The following ST18 variants were observed in gnomAD, a reference collection of about 807,000 sequenced individuals.
ST18 encodes the protein ST18 C2H2C-type zinc finger transcription factor.
Under a neutral mutation model 110.0 loss-of-function variants are expected in ST18, and 50 were observed. The ratio of observed to expected loss-of-function variants is 0.45; its 90% CI spans 0.36 to 0.58. The LOEUF (loss-of-function observed/expected upper bound fraction) is 0.58. Among genes scored for constraint, ST18 ranks in the 20% least tolerant of loss-of-function variants. The probability of loss-of-function intolerance (pLI) is 0.00; values close to 1 mark genes in which losing one functional copy is unlikely to be tolerated. For synonymous variants in ST18, 461 were observed against 452.4 expected (o/e 1.02, Z -0.24); for missense variants, 1,306 against 1,280.1 (o/e 1.02, Z -0.31).
chr8:52,122,870 G>T (rs1219251895), intron 23 of ST18, among the ~76,000 whole-genome samples: 1 of 151,826 alleles, frequency 6.6e-6, no homozygotes, highest in Non-Finnish European at 1.5e-5. Context: ...TGTAAATTTG[G>T]CTATTTAGTT....
At chr8:52,122,000 C>G (rs1410618198) in intron 23 of ST18, among the ~76,000 whole-genome samples, 1 of 152,176 alleles carries the variant, frequency 6.6e-6, no homozygotes, top group Non-Finnish European at 1.5e-5. Context: ...CGTACGCCAC[C>G]ATGCCCAGCT....
intron 2 of ST18, among the ~76,000 whole-genome samples, chr8:52,333,573 A>C (rs1287848933): frequency 6.6e-6 from 1 of 152,258 alleles, no homozygotes; most frequent in Admixed American, 6.5e-5. Context: ...ATGCCAAAGT[A>C]AAGTCAGGGA....
At chr8:52,186,477 C>T (rs1036535188) in intron 8 of ST18, among the ~76,000 whole-genome samples, 2 of 152,162 alleles carry the variant, frequency 1.3e-5, no homozygotes, top group African/African-American at 2.4e-5. Context: ...ACAGGTAAAT[C>T]GGTATGGCTG....
At chr8:52,407,251 T>C (rs1844845768) in intron 2 of ST18, 1 of 152,182 alleles carries the variant, frequency 6.6e-6, no homozygotes, top group African/African-American at 2.4e-5. Flanking sequence ...CAATGTAGAG[T>C]ATCACGTGTT....
intron 11 of ST18, among the ~76,000 whole-genome samples, 155 bp from the exon 12 acceptor site, chr8:52,165,380 A>T (rs2062631688): frequency 7.1e-6 from 1 of 140,892 alleles, no homozygotes; most frequent in Non-Finnish European, 1.5e-5. Flanking sequence ...TGAGCATGGA[A>T]GAACTTCAGA....
chr8:52,327,130 C>T (rs1200203629), intron 2 of ST18, among the ~76,000 whole-genome samples: 1 of 152,226 alleles, frequency 6.6e-6, no homozygotes, highest in Non-Finnish European at 1.5e-5. Flanking sequence ...AGTGATAATT[C>T]TTCTATGCTG....
chr8:52,167,567 G>T (rs1409944776), intron 10 of ST18, among the ~76,000 whole-genome samples: 1 of 152,360 alleles, frequency 6.6e-6, no homozygotes, highest in Admixed American at 6.5e-5. Context: ...GTGATTCACG[G>T]TCTCGAGATT....
At chr8:52,273,246 G>T (rs1003911618) in intron 2 of ST18, among the ~76,000 whole-genome samples, 3 of 152,160 alleles carry the variant, frequency 2.0e-5, no homozygotes, top group Non-Finnish European at 4.4e-5. Flanking sequence ...GCTGGGAATC[G>T]TGGAGAGGGG....
chr8:52,118,504 T>C, intron 23 of ST18, 63 bp from the exon 24 acceptor site: 1 of 942,138 alleles, frequency 1.1e-6, no homozygotes, highest in Non-Finnish European at 1.6e-6. Context: ...TCATTATATG[T>C]TTAATTTGTG....
intron 8 of ST18, among the ~76,000 whole-genome samples, chr8:52,191,100 G>T (rs755895535): frequency 6.6e-6 from 1 of 152,184 alleles, no homozygotes; most frequent in South Asian, 2.1e-4. Context: ...AGTTTTGGCT[G>T]CATAGCAAGT....
chr8:52,317,782 A>C (rs578077982), intron 2 of ST18, among the ~76,000 whole-genome samples: 2 of 152,346 alleles, frequency 1.3e-5, no homozygotes, highest in East Asian at 3.9e-4. Context: ...AAAGCTGAAC[A>C]CAGGGATTAT....
chr8:52,300,742 C>T (rs1406775339), intron 2 of ST18, among the ~76,000 whole-genome samples: 1 of 152,170 alleles, frequency 6.6e-6, no homozygotes, highest in East Asian at 1.9e-4. Context: ...TCACTGGCTG[C>T]TTTCATGCTA....
chr8:52,125,310 A>G (rs955142230), intron 23 of ST18, among the ~76,000 whole-genome samples: 1 of 152,098 alleles, frequency 6.6e-6, no homozygotes, highest in Non-Finnish European at 1.5e-5. Context: ...GAAGAACACA[A>G]TTGAAGGATT....
In ST18 at chr8:52,142,625, T is replaced by G. The variant is rs2055598549; in HGVS notation, c.2168+305A>C. Among the ~76,000 whole-genome samples the G allele has an allele frequency of 2.0e-5, 3 of 152,226 alleles. No homozygotes were observed. In the South Asian group the frequency reaches 6.2e-4, roughly 32 times the overall value. On this transcript the variant is annotated intron_variant, in intron 17 of 25. Coordinates refer to ENST00000689386, the MANE Select transcript of ST18 (RefSeq NM_001352837.2). The stretch of plus-strand genomic sequence containing the variant: ...TGCCCAAATAACAATTTGCATCAAG[T>G]GTTAGAAGGTTAGTAGAGTCCCAGA...
At chr8:52,352,420 G>T (rs936638979) in intron 2 of ST18, among the ~76,000 whole-genome samples, 2 of 152,090 alleles carry the variant, frequency 1.3e-5, no homozygotes, top group African/African-American at 4.8e-5. Flanking sequence ...GCTTAAACAT[G>T]GTCATGGAAC....
chr8:52,369,191 A>T (rs1829308534), intron 2 of ST18, among the ~76,000 whole-genome samples: 1 of 152,198 alleles, frequency 6.6e-6, no homozygotes. Flanking sequence ...TTGACCTCCA[A>T]ACAAATTCTT....
At chr8:52,214,925 T>G (rs914639340) in intron 6 of ST18, among the ~76,000 whole-genome samples, 1 of 152,320 alleles carries the variant, frequency 6.6e-6, no homozygotes, top group East Asian at 1.9e-4. Context: ...ATCAAATCAA[T>G]TATCAAAGGG....
chr8:52,295,811 T>C (rs2095626081), intron 2 of ST18, among the ~76,000 whole-genome samples: 1 of 151,676 alleles, frequency 6.6e-6, no homozygotes, highest in Non-Finnish European at 1.5e-5. Context: ...CAGCGCCAGT[T>C]CTGCCTGCCT....
intron 2 of ST18, among the ~76,000 whole-genome samples, chr8:52,388,983 AAAAAG>A (rs1179289958): frequency 6.6e-6 from 1 of 151,144 alleles, no homozygotes; most frequent in African/African-American, 2.4e-5. Flanking sequence ...TAAAAAAAAA[AAAAAG>A]AACAAGCAAT....
Sources: gnomAD v4.1 joint callset for allele counts (sites outside exome capture counted in the v4.1 genomes callset) on GRCh38, gnomAD v4.1.1 for gene constraint, MANE v1.5 for transcripts, NCBI Gene and HGNC (gene_info 2026-07-23, HGNC 2026-07-21) for gene names.